The following RUFY1 variants were observed in gnomAD, a reference collection of about 807,000 sequenced individuals.
RUFY1 encodes RUN and FYVE domain-containing protein 1.
A neutral mutation model predicts 94.6 loss-of-function variants in RUFY1; 54 were observed. That is an observed-to-expected ratio of 0.57 (90% CI 0.46 to 0.72). The LOEUF (loss-of-function observed/expected upper bound fraction) is 0.72, where lower values mean the gene tolerates loss of function less well. RUFY1 is among the 30% of genes least tolerant of loss of function. The pLI, the probability that RUFY1 is intolerant of heterozygous loss-of-function variation, is 0.00. For synonymous variants in RUFY1, 396 were observed against 347.3 expected (o/e 1.14, Z -1.56); for missense variants, 883 against 883.9 (o/e 1.00, Z 0.01).
intron 2 of RUFY1, among the ~76,000 whole-genome samples, chr5:179,561,859 T>A (rs1400633446): frequency 3.3e-5 from 5 of 150,240 alleles, no homozygotes; most frequent in African/African-American, 1.2e-4. Context: ...ATTTTTTTTT[T>A]ATTTTTAGTA....
At chr5:179,572,520 A>G (rs1039033754) in intron 5 of RUFY1, 2 of 211,072 alleles carry the variant, frequency 9.5e-6, no homozygotes, top group Non-Finnish European at 2.0e-5. Flanking sequence ...CAATGAGGGC[A>G]TTGCCTACCC....
intron 14 of RUFY1, 136 bp downstream of exon 14, chr5:179,598,957 A>G (rs1173218052): frequency 2.2e-6 from 2 of 905,584 alleles, no homozygotes; most frequent in East Asian, 2.4e-5. Flanking sequence ...GCTGTTAGGG[A>G]GCTCCTGTTT....
intron 1 of RUFY1, among the ~76,000 whole-genome samples, chr5:179,552,851 G>A (rs1761929719): frequency 6.6e-6 from 1 of 152,182 alleles, no homozygotes; most frequent in African/African-American, 2.4e-5. Flanking sequence ...TCCATCTATG[G>A]AAGTGATAGA....
intron 14 of RUFY1, among the ~76,000 whole-genome samples, chr5:179,600,565 G>A (rs534943293): frequency 1.3e-5 from 2 of 152,102 alleles, no homozygotes; most frequent in East Asian, 3.9e-4. Flanking sequence ...TGCAAGGTTC[G>A]TGTGATTTTG....
chr5:179,563,330 A>G (rs1762584872), intron 3 of RUFY1, among the ~76,000 whole-genome samples: 2 of 152,188 alleles, frequency 1.3e-5, no homozygotes, highest in African/African-American at 4.8e-5. Context: ...GCTCAATGAC[A>G]GGCATTGTGC....
At chr5:179,551,111 G>A (rs975592796) in intron 1 of RUFY1, among the ~76,000 whole-genome samples, 5 of 152,208 alleles carry the variant, frequency 3.3e-5, no homozygotes, top group Admixed American at 3.3e-4. Flanking sequence ...GCGCCTCTAT[G>A]CTCTCCCACT....
chr5:179,555,038 G>T (rs1739046412), intron 1 of RUFY1, among the ~76,000 whole-genome samples: 1 of 151,992 alleles, frequency 6.6e-6, no homozygotes, highest in African/African-American at 2.4e-5. Context: ...ATCTTTGAGA[G>T]TTTCCGCACA....
At chr5:179,554,833 T>G (rs1403799032) in intron 1 of RUFY1, among the ~76,000 whole-genome samples, 1 of 151,972 alleles carries the variant, frequency 6.6e-6, no homozygotes, top group Non-Finnish European at 1.5e-5. Context: ...ATGGGCGTGG[T>G]GGCGCACGCC....
chr5:179,592,411 C>T (rs1253457988), intron 10 of RUFY1, among the ~76,000 whole-genome samples: 1 of 152,194 alleles, frequency 6.6e-6, no homozygotes. Context: ...AGCCACCGTG[C>T]CCGGCCAGTT....
intron 1 of RUFY1, among the ~76,000 whole-genome samples, chr5:179,554,216 T>C (rs1272006689): frequency 2.0e-5 from 3 of 152,206 alleles, no homozygotes; most frequent in Non-Finnish European, 4.4e-5. Flanking sequence ...AAGGAAATGC[T>C]GCGGAATATT....
intron 3 of RUFY1, 105 bp downstream of exon 3, chr5:179,562,769 T>C: frequency 1.4e-6 from 1 of 703,278 alleles, no homozygotes; most frequent in Non-Finnish European, 2.6e-6. Flanking sequence ...TGGAAAGAGC[T>C]CTGCTGCTCA....
intron 7 of RUFY1, 120 bp from the exon 8 acceptor site, chr5:179,585,676 G>A (rs1764551764): frequency 1.4e-6 from 1 of 693,598 alleles, no homozygotes; most frequent in African/African-American, 1.8e-5. Flanking sequence ...GAGTTAATTG[G>A]AGACCCTCTG....
At chr5:179,604,042 A>T (rs980765822) in intron 15 of RUFY1, among the ~76,000 whole-genome samples, 1 of 152,194 alleles carries the variant, frequency 6.6e-6, no homozygotes, top group African/African-American at 2.4e-5. Context: ...GGGCAATAAG[A>T]GTGAAACTCT....
At chr5:179,581,761 G>A (rs924387386) in intron 7 of RUFY1, among the ~76,000 whole-genome samples, 1 of 150,892 alleles carries the variant, frequency 6.6e-6, no homozygotes, top group African/African-American at 2.4e-5. Context: ...GATCACTGTA[G>A]CCTCGAATTC....
At chr5:179,564,351 C>T (rs1762665494) in intron 3 of RUFY1, among the ~76,000 whole-genome samples, 1 of 151,468 alleles carries the variant, frequency 6.6e-6, no homozygotes, top group African/African-American at 2.4e-5. Flanking sequence ...AACTCCTGAC[C>T]TCAGGTGATC....
chr5:179,578,359 G>A (rs902186444), intron 6 of RUFY1, among the ~76,000 whole-genome samples: 6 of 151,876 alleles, frequency 4.0e-5, no homozygotes, highest in Admixed American at 6.6e-5. Context: ...GATAACAGGC[G>A]TTCCCCATCA....
intron 7 of RUFY1, among the ~76,000 whole-genome samples, chr5:179,581,534 T>A (rs1764161249): frequency 6.6e-6 from 1 of 151,598 alleles, no homozygotes; most frequent in African/African-American, 2.4e-5. Flanking sequence ...AGAGACATGT[T>A]ATTCCCTTTC....
chr5:179,560,344 C>A (rs1027107945), intron 2 of RUFY1, 146 bp downstream of exon 2: 9 of 1,003,804 alleles, frequency 9.0e-6, no homozygotes, highest in Admixed American at 2.9e-5. Context: ...GAAGCGACGT[C>A]CTAGAGCAGC....
Position 179,608,690 on chromosome 5 carries a change from G to A in RUFY1, c.1984-686G>A, listed in dbSNP as rs552729338. 1.1e-4 allele frequency: 100 copies of A among 939,800 alleles called. No homozygotes were observed. The African/African-American group carries it at 1.6e-3, about 16-fold the overall frequency. 58.2% of individuals were successfully genotyped at this position (939,800 alleles called of 1,614,324 possible). A position where few individuals can be genotyped will look rare whatever the true frequency, so the allele number is the denominator to read the frequency against. ...TGACTGTAATCCTAGCACTTTGGGA[G>A]GCTGAGGTGGGTGGATCACGAGGTC... On this transcript the variant is annotated intron_variant, in intron 17 of 17. Coordinates refer to ENST00000319449, the MANE Select transcript of RUFY1 (RefSeq NM_025158.5).
Sources: allele counts gnomAD v4.1 joint callset (sites outside exome capture counted in the v4.1 genomes callset), GRCh38; gene constraint gnomAD v4.1.1; transcripts MANE v1.5; gene names NCBI Gene and HGNC (gene_info 2026-07-23, HGNC 2026-07-21).